Variants in EYS observed in about 807,000 individuals in gnomAD.
EYS encodes EGF-like photoreceptor maintenance factor.
In EYS, 250 loss-of-function variants were observed where a neutral mutation model predicts 282.1. The ratio of observed to expected loss-of-function variants is 0.89; its 90% CI spans 0.80 to 0.98. The LOEUF (loss-of-function observed/expected upper bound fraction) is 0.98, where lower values mean the gene tolerates loss of function less well. EYS is among the 50% of genes least tolerant of loss of function. The pLI is 0.00. For missense variants in EYS, 4,016 were observed against 3,709.0 expected, an observed-to-expected ratio of 1.08 and a Z score of -2.15; for synonymous variants, 1,355 against 1,282.9, an observed-to-expected ratio of 1.06 and a Z score of -1.20.
intron 12 of EYS, among the ~76,000 whole-genome samples, chr6:65,219,312 A>G (rs1766399192): frequency 6.6e-6 from 1 of 152,178 alleles, no homozygotes; most frequent in Non-Finnish European, 1.5e-5. Context: ...ATAAACCGGA[A>G]TGTTGATTTT....
chr6:65,607,751 C>T (rs1765850710), intron 2 of EYS, among the ~76,000 whole-genome samples: 1 of 151,810 alleles, frequency 6.6e-6, no homozygotes, highest in South Asian at 2.1e-4. Context: ...TTTAAAACCA[C>T]ACACATACAT....
chr6:64,349,033 C>T (rs1051770043), intron 29 of EYS, among the ~76,000 whole-genome samples: 1 of 151,224 alleles, frequency 6.6e-6, no homozygotes, highest in Non-Finnish European at 1.5e-5. Flanking sequence ...ATACAGTATT[C>T]CATGTCTTGT....
intron 5 of EYS, among the ~76,000 whole-genome samples, chr6:65,482,116 A>G (rs1765629489): frequency 6.6e-6 from 1 of 152,194 alleles, no homozygotes; most frequent in South Asian, 2.1e-4. Context: ...GTCACCATCA[A>G]TGCTAATAAT....
At chr6:65,131,967 G>A (rs573976386) in intron 12 of EYS, among the ~76,000 whole-genome samples, 14 of 152,022 alleles carry the variant, frequency 9.2e-5, no homozygotes, top group Admixed American at 5.3e-4. Flanking sequence ...GGAAAACTTA[G>A]AAGAGAGGGA....
intron 31 of EYS, among the ~76,000 whole-genome samples, chr6:64,113,429 G>T (rs11962107): frequency 0.042 from 6,418 of 152,170 alleles, 397 homozygotes; most frequent in African/African-American, 0.14. Context: ...TGTCTCATTA[G>T]GTTGTGAGAA....
chr6:64,328,787 T>A (rs1315489505), intron 29 of EYS, among the ~76,000 whole-genome samples: 1 of 151,870 alleles, frequency 6.6e-6, no homozygotes, highest in Non-Finnish European at 1.5e-5. Flanking sequence ...AAGAAACTGG[T>A]TTTGTGAGAA....
chr6:63,880,779 C>T (rs1249907228), intron 35 of EYS, among the ~76,000 whole-genome samples: 3 of 152,128 alleles, frequency 2.0e-5, no homozygotes, highest in African/African-American at 7.2e-5. Context: ...AAAGTGGCTT[C>T]AGGCTTTTTC....
At chr6:65,529,323 C>A (rs930475665) in intron 2 of EYS, among the ~76,000 whole-genome samples, 1 of 152,236 alleles carries the variant, frequency 6.6e-6, no homozygotes, top group South Asian at 2.1e-4. Context: ...GGCCTATATG[C>A]TTGTATCACC....
rs1026047599 is a variant in EYS at position 65,245,549 on chromosome 6, T to C, written c.2023+50314A>G. On this transcript the variant is annotated intron_variant, in intron 12 of 42. Transcript: ENST00000503581. ...GCCACCTCAGCTTATTATTCTCATATCAAGGCCTTTATATTGATGTTCTTT... is the reference window on the plus strand; with the variant it reads ...GCCACCTCAGCTTATTATTCTCATACCAAGGCCTTTATATTGATGTTCTTT... Among the ~76,000 whole-genome samples, 4 of 152,040 alleles carry C rather than the reference T, an allele frequency of 2.6e-5. 1 individual carries two copies. Among genetic ancestry groups the C allele is most frequent in the African/African-American group, 9.7e-5 (4 of 41,438 alleles).
chr6:65,066,602 T>C (rs9445460), intron 12 of EYS, among the ~76,000 whole-genome samples: 7,489 of 152,244 alleles, frequency 0.049, 588 homozygotes, highest in African/African-American at 0.17. Flanking sequence ...ATTAGATTTA[T>C]AGAAATAATC....
intron 5 of EYS, among the ~76,000 whole-genome samples, chr6:65,433,298 C>A (rs1456648489): frequency 6.6e-6 from 1 of 152,092 alleles, no homozygotes; most frequent in African/African-American, 2.4e-5. Context: ...TTATGACAAT[C>A]ACTAGCTCTT....
chr6:64,236,538 C>G (rs1428699406), intron 30 of EYS, among the ~76,000 whole-genome samples: 1 of 152,106 alleles, frequency 6.6e-6, no homozygotes, highest in African/African-American at 2.4e-5. Context: ...ACATTTCTGC[C>G]AGCAAAATAT....
chr6:63,964,041 G>A (rs1265233784), intron 35 of EYS, among the ~76,000 whole-genome samples: 6 of 152,188 alleles, frequency 3.9e-5, no homozygotes, highest in Non-Finnish European at 7.3e-5. Flanking sequence ...AAAATATAAA[G>A]AGAATATTGT....
At chr6:64,880,761 T>TTA (rs1766889583) in intron 19 of EYS, among the ~76,000 whole-genome samples, 1 of 149,074 alleles carries the variant, frequency 6.7e-6, no homozygotes, top group South Asian at 2.1e-4. Context: ...ATATACATAT[T>TTA]TATATATATT....
chr6:64,008,270 G>C (rs569570356), intron 33 of EYS, among the ~76,000 whole-genome samples: 1 of 152,146 alleles, frequency 6.6e-6, no homozygotes, highest in African/African-American at 2.4e-5. Flanking sequence ...CTTGAAGTCT[G>C]TTTTGTCTGA....
intron 2 of EYS, among the ~76,000 whole-genome samples, chr6:65,529,453 T>A (rs2127306660): frequency 6.6e-6 from 1 of 152,288 alleles, no homozygotes; most frequent in East Asian, 1.9e-4. Context: ...ACAGGAGAAC[T>A]AAAATCCCCT....
At chr6:65,026,332 T>C (rs1327277525) in intron 13 of EYS, among the ~76,000 whole-genome samples, 1 of 152,190 alleles carries the variant, frequency 6.6e-6, no homozygotes, top group East Asian at 1.9e-4. Flanking sequence ...GTTTAGAATT[T>C]AACAATTAGA....
chr6:64,923,961 G>T (rs1768433307), intron 15 of EYS, among the ~76,000 whole-genome samples: 1 of 152,116 alleles, frequency 6.6e-6, no homozygotes. Context: ...CTACCATTCT[G>T]GGGTCTGGAG....
At chr6:63,864,647 G>T (rs115584034) in intron 35 of EYS, among the ~76,000 whole-genome samples, 146 of 152,102 alleles carry the variant, frequency 9.6e-4, no homozygotes, top group African/African-American at 3.3e-3. Flanking sequence ...TTCACACTGG[G>T]TGCCTTTTCA....
Sources: allele counts gnomAD v4.1 joint callset (sites outside exome capture counted in the v4.1 genomes callset), GRCh38; gene constraint gnomAD v4.1.1; transcripts MANE v1.5; gene names NCBI Gene and HGNC (gene_info 2026-07-23, HGNC 2026-07-21).